Variants in LINGO2 observed in about 807,000 individuals in gnomAD.
The protein encoded by LINGO2 is leucine-rich repeat and immunoglobulin-like domain-containing nogo receptor-interacting protein 2.
Under a neutral mutation model 30.6 loss-of-function variants are expected in LINGO2, and 14 were observed. The observed-to-expected ratio is 0.46, with a 90% CI of 0.30 to 0.72. The LOEUF (loss-of-function observed/expected upper bound fraction) is 0.72. Ranked by LOEUF, LINGO2 falls within the 30% of genes least tolerant of loss-of-function variation. The pLI is 0.07. For synonymous variants in LINGO2, 317 were observed against 288.5 expected (o/e 1.10, Z -1.00); for missense variants, 729 against 751.7 (o/e 0.97, Z 0.35).
chr9:28,345,359 A>T (rs548231149), intron 3 of LINGO2, among the ~76,000 whole-genome samples: 1 of 152,280 alleles, frequency 6.6e-6, no homozygotes, highest in South Asian at 2.1e-4. Flanking sequence ...TTACTGAGAC[A>T]CTAAGGGTAT....
chr9:28,945,656 G>A, the LINGO2 span, among the ~76,000 whole-genome samples: 5 of 152,054 alleles, frequency 3.3e-5, no homozygotes, highest in South Asian at 4.1e-4. Context: ...TCAACCTATC[G>A]TACTGAAGCA....
chr9:28,974,048 G>T, the LINGO2 span, among the ~76,000 whole-genome samples: 22 of 152,318 alleles, frequency 1.4e-4, no homozygotes, highest in African/African-American at 5.1e-4. Flanking sequence ...TAAGTAGAAT[G>T]ACTAAATGAT....
rs552226284 is a variant in LINGO2, at chr9:28,058,303, A to T, written c.-86-45898T>A. On this transcript the variant is annotated intron_variant, in intron 4 of 5. Transcript: ENST00000379992. The stretch of plus-strand genomic sequence containing the variant: ...AAGAAAACAGATATTCTATTTATTA[A>T]TAGGCCATTTTACAATTAAGGAAAT... Among the ~76,000 whole-genome samples, 118 of 152,278 alleles carry T rather than the reference A, an allele frequency of 7.7e-4. 1 individual carries two copies. Among genetic ancestry groups the T allele is most frequent in the African/African-American group, 2.7e-3 (113 of 41,546 alleles).
the LINGO2 span, among the ~76,000 whole-genome samples, chr9:28,784,005 A>G: frequency 2.0e-4 from 30 of 152,280 alleles, no homozygotes; most frequent in South Asian, 5.8e-3. Flanking sequence ...TAACCTAATT[A>G]TCTTCGAAAG....
the LINGO2 span, among the ~76,000 whole-genome samples, chr9:28,837,649 A>AATACATATATATATATATAT: frequency 1.3e-5 from 1 of 75,794 alleles, no homozygotes; most frequent in South Asian, 6.0e-4. Context: ...CTCCGTCTAA[A>AATACATATATATATATATAT]ATATATATAT....
chr9:28,894,422 T>C, the LINGO2 span, among the ~76,000 whole-genome samples: 3 of 152,114 alleles, frequency 2.0e-5, no homozygotes, highest in African/African-American at 7.2e-5. Context: ...TTTCACATTA[T>C]ATAGTCATTT....
At chr9:28,132,496 C>T (rs746389075) in intron 4 of LINGO2, among the ~76,000 whole-genome samples, 6 of 152,138 alleles carry the variant, frequency 3.9e-5, no homozygotes, top group Non-Finnish European at 7.4e-5. Flanking sequence ...GAATTATAAC[C>T]ATTGCAGGTA....
the LINGO2 span, among the ~76,000 whole-genome samples, chr9:29,084,291 A>G: frequency 6.6e-6 from 1 of 152,098 alleles, no homozygotes; most frequent in Non-Finnish European, 1.5e-5. Flanking sequence ...TACTGTGACC[A>G]TCAACCAAAA....
intron 4 of LINGO2, among the ~76,000 whole-genome samples, chr9:28,023,299 T>G (rs1026053807): frequency 6.6e-6 from 1 of 152,214 alleles, no homozygotes; most frequent in Non-Finnish European, 1.5e-5. Flanking sequence ...AAAAGTTTAA[T>G]GTTTATCTGG....
intron 4 of LINGO2, among the ~76,000 whole-genome samples, chr9:28,218,733 A>G (rs1490299685): frequency 6.6e-6 from 1 of 152,044 alleles, no homozygotes; most frequent in Non-Finnish European, 1.5e-5. Context: ...CCAATGTCTC[A>G]TGCCACAACC....
chr9:28,553,084 A>G (rs1249918309), intron 1 of LINGO2, among the ~76,000 whole-genome samples: 1 of 152,078 alleles, frequency 6.6e-6, no homozygotes, highest in Non-Finnish European at 1.5e-5. Flanking sequence ...CTATAAAAGC[A>G]GAGCACCTCT....
the LINGO2 span, among the ~76,000 whole-genome samples, chr9:28,944,145 C>A: frequency 3.1e-3 from 469 of 152,278 alleles, 15 homozygotes; most frequent in South Asian, 0.093. Flanking sequence ...AGACAGTTAT[C>A]TTTGTCTGTA....
chr9:28,428,577 C>A (rs1823514043), intron 2 of LINGO2, among the ~76,000 whole-genome samples: 1 of 152,040 alleles, frequency 6.6e-6, no homozygotes, highest in Non-Finnish European at 1.5e-5. Flanking sequence ...GCGGGGTTTT[C>A]AGTCATTGAC....
At chr9:28,038,922 A>G (rs1485008487) in intron 4 of LINGO2, among the ~76,000 whole-genome samples, 3 of 152,206 alleles carry the variant, frequency 2.0e-5, no homozygotes, top group Non-Finnish European at 4.4e-5. Flanking sequence ...GCTCTCTAGA[A>G]GTTGTCACTA....
the LINGO2 span, among the ~76,000 whole-genome samples, chr9:29,027,432 G>C: frequency 6.6e-6 from 1 of 152,142 alleles, no homozygotes; most frequent in East Asian, 1.9e-4. Context: ...CCATCTTTCA[G>C]GTTCAAGTGA....
At chr9:28,241,372 A>G (rs1821791453) in intron 4 of LINGO2, among the ~76,000 whole-genome samples, 1 of 151,860 alleles carries the variant, frequency 6.6e-6, no homozygotes, top group African/African-American at 2.4e-5. Flanking sequence ...AGAGGCAACC[A>G]TCAAAAAGAT....
the LINGO2 span, among the ~76,000 whole-genome samples, chr9:28,880,105 A>G: frequency 6.6e-6 from 1 of 152,150 alleles, no homozygotes; most frequent in African/African-American, 2.4e-5. Context: ...CCTTAGAAGA[A>G]TATTCTTTTT....
intron 4 of LINGO2, among the ~76,000 whole-genome samples, chr9:28,233,789 C>T (rs1413986636): frequency 6.6e-6 from 1 of 152,168 alleles, no homozygotes; most frequent in Non-Finnish European, 1.5e-5. Flanking sequence ...TGTGAGGCCC[C>T]ATTCCAGGCC....
chr9:28,522,300 A>G (rs1277949970), intron 1 of LINGO2, among the ~76,000 whole-genome samples: 1 of 152,210 alleles, frequency 6.6e-6, no homozygotes, highest in Non-Finnish European at 1.5e-5. Flanking sequence ...CAACAAAGAA[A>G]TAAATCAGAA....
Sources: gnomAD v4.1 joint callset for allele counts (sites outside exome capture counted in the v4.1 genomes callset) on GRCh38, gnomAD v4.1.1 for gene constraint, MANE v1.5 for transcripts, NCBI Gene and HGNC (gene_info 2026-07-23, HGNC 2026-07-21) for gene names.